TNPO1: variants seen among roughly 807,000 people sequenced by gnomAD.
TNPO1 encodes the protein transportin-1.
A neutral mutation model predicts 119.5 loss-of-function variants in TNPO1; 8 were observed. The ratio of observed to expected loss-of-function variants is 0.07; its 90% CI spans 0.04 to 0.12. The LOEUF is 0.12. Ranked by LOEUF, TNPO1 falls within the 10% of genes least tolerant of loss-of-function variation. TNPO1 has a pLI of 1.00. For synonymous variants in TNPO1, 362 were observed against 363.0 expected (o/e 1.00, Z 0.03); for missense variants, 576 against 1,089.8 (o/e 0.53, Z 6.64).
chr5:72,848,621 T>A, intron 2 of TNPO1, 123 bp downstream of exon 2: 1 of 410,220 alleles, frequency 2.4e-6, no homozygotes, highest in Non-Finnish European at 4.0e-6. Flanking sequence ...GAGACCGGCC[T>A]CCTCCCTGGG....
At position 72,912,367 on chromosome 5, in the gene TNPO1, A is replaced by G. The variant is rs1265324588; in HGVS notation, c.*3694A>G. 1 of 152,512 alleles carries G rather than the reference A, an allele frequency of 6.6e-6. No homozygotes were observed. The highest frequency in any genetic ancestry group is 1.5e-5 in the Non-Finnish European group (1 of 67,940). The allele number at this position is 152,512 out of a possible 1,614,324, so 9.4% of individuals were successfully genotyped here. ...TGCATATATTGTAAAATAGGATCAG[A>G]TGTATATTTTAAACTAATTTCAATG... On this transcript the variant is annotated 3_prime_UTR_variant, in exon 25 of 25. Transcript: ENST00000337273.
chr5:72,825,805 T>G (rs1744185546), intron 1 of TNPO1: 1 of 152,520 alleles, frequency 6.6e-6, no homozygotes, highest in African/African-American at 2.4e-5. Context: ...CTCTTGGACT[T>G]CCCATCCTAC....
chr5:72,874,815 C>T (rs1438730722), intron 7 of TNPO1, among the ~76,000 whole-genome samples: 9 of 152,142 alleles, frequency 5.9e-5, no homozygotes, highest in African/African-American at 1.9e-4. Context: ...GCTTGTTTTA[C>T]TGCTTTTAAT....
Position 72,896,563 on chromosome 5 carries a change from T to A in TNPO1, c.2242+7T>A. On this transcript the variant is annotated splice_region_variant and intron_variant, in intron 19 of 24. Coordinates refer to ENST00000337273, the MANE Select transcript of TNPO1 (RefSeq NM_002270.4). ...GAAATCTCCATTCAAATGGGTAAGA[T>A]GTTTTTCCCTATTTAAAAGCATAAG... is the stretch of plus-strand genomic sequence containing the variant. 6.2e-7 allele frequency: 1 copy of A among 1,607,532 alleles called. No homozygotes were observed. Among genetic ancestry groups the A allele is most frequent in the Non-Finnish European group, 8.5e-7 (1 of 1,176,636 alleles).
chr5:72,870,182 C>T lies in TNPO1; in HGVS notation c.597-2457C>T, dbSNP rs1176807385. On this transcript the variant is annotated intron_variant, in intron 6 of 24. Transcript: ENST00000337273. Reference sequence around the variant, plus strand: ...GCTTTTTTTTTTTTTTTTTTTGAGACGGAGTTTCACTCTTGTCTCCCACAC... The same window carrying T: ...GCTTTTTTTTTTTTTTTTTTTGAGATGGAGTTTCACTCTTGTCTCCCACAC... Among the ~76,000 whole-genome samples the T allele has an allele frequency of 1.7e-4, 12 of 69,482 alleles. No individual in the cohort carries two copies. In the East Asian group the frequency reaches 2.2e-3, roughly 13 times the overall value. 45.6% of individuals were successfully genotyped at this position (69,482 alleles called of 152,430 possible). A position where few individuals can be genotyped will look rare whatever the true frequency, so the allele number is the denominator to read the frequency against.
At chr5:72,821,832 CAT>C (rs1435054969) in intron 1 of TNPO1, among the ~76,000 whole-genome samples, 5 of 152,112 alleles carry the variant, frequency 3.3e-5, no homozygotes, top group African/African-American at 1.2e-4. Flanking sequence ...TGTCAGTAAA[CAT>C]AAAGATCTGC....
At chr5:72,856,187 T>G (rs1024148828) in intron 4 of TNPO1, among the ~76,000 whole-genome samples, 2 of 152,162 alleles carry the variant, frequency 1.3e-5, no homozygotes, top group Non-Finnish European at 2.9e-5. Context: ...ACAAGTGATA[T>G]TAATTTGCGG....
intron 10 of TNPO1, among the ~76,000 whole-genome samples, chr5:72,882,836 T>G (rs895769326): frequency 1.3e-5 from 2 of 152,158 alleles, no homozygotes. Flanking sequence ...GTGGAGGCCA[T>G]GTAGTTGGCT....
rs1750506177 is a variant in TNPO1 at position 72,910,713 on chromosome 5, G to C, written c.*2040G>C. 6.6e-6 allele frequency: 1 copy of C among 152,248 alleles called. No homozygotes were observed. Among genetic ancestry groups the C allele is most frequent in the Non-Finnish European group, 1.5e-5 (1 of 67,958 alleles). The allele number at this position is 152,248 out of a possible 1,614,324, so 9.4% of individuals were successfully genotyped here. A position where few individuals can be genotyped will look rare whatever the true frequency, so the allele number is the denominator to read the frequency against. On this transcript the variant is annotated 3_prime_UTR_variant, in exon 25 of 25. Transcript: ENST00000337273. ...TGATACAGCCATTGCACTGAAGTTTGAGCTGTGTGCGTGTGAATTTATACT... is the reference window on the plus strand; with the variant it reads ...TGATACAGCCATTGCACTGAAGTTTCAGCTGTGTGCGTGTGAATTTATACT...
intron 11 of TNPO1, 108 bp downstream of exon 11, chr5:72,883,340 G>T: frequency 1.5e-6 from 1 of 645,428 alleles, no homozygotes; most frequent in Non-Finnish European, 2.8e-6. Flanking sequence ...CATTTCATTG[G>T]TTTTTAGTAT....
chr5:72,840,073 G>A (rs1267156791), intron 1 of TNPO1, among the ~76,000 whole-genome samples: 3 of 152,288 alleles, frequency 2.0e-5, no homozygotes, highest in African/African-American at 4.8e-5. Flanking sequence ...CAAGAGAGCC[G>A]TTGAATTATT....
At chr5:72,864,084 G>T (rs945630393) in intron 5 of TNPO1, among the ~76,000 whole-genome samples, 1 of 151,850 alleles carries the variant, frequency 6.6e-6, no homozygotes, top group African/African-American at 2.4e-5. Flanking sequence ...TGCCACATGG[G>T]TAACAAGTTC....
intron 9 of TNPO1, 43 bp downstream of exon 9, chr5:72,877,389 C>T: frequency 1.1e-6 from 1 of 892,410 alleles, no homozygotes; most frequent in Admixed American, 2.4e-5. Flanking sequence ...TCTTTAATTT[C>T]TTAAGTGATT....
chr5:72,832,650 T>C (rs1468699013), intron 1 of TNPO1, among the ~76,000 whole-genome samples: 1 of 152,178 alleles, frequency 6.6e-6, no homozygotes. Flanking sequence ...TCCCTACATC[T>C]TCTCCTGTTG....
intron 6 of TNPO1, among the ~76,000 whole-genome samples, chr5:72,867,441 C>T (rs1322175690): frequency 1.3e-5 from 2 of 152,152 alleles, no homozygotes; most frequent in African/African-American, 4.8e-5. Context: ...GTATAGGAAA[C>T]TATATTGCCT....
chr5:72,864,650 C>T (rs1214309686), intron 5 of TNPO1, among the ~76,000 whole-genome samples: 3 of 151,944 alleles, frequency 2.0e-5, no homozygotes, highest in East Asian at 3.9e-4. Flanking sequence ...GCTTTGTCAC[C>T]CAGGCTGGAG....
At chr5:72,854,413 T>G (rs574628963) in intron 3 of TNPO1, among the ~76,000 whole-genome samples, 2 of 152,338 alleles carry the variant, frequency 1.3e-5, no homozygotes, top group South Asian at 2.1e-4. Context: ...ATTCAGAGTT[T>G]GGGAACATCA....
chr5:72,823,758 G>T (rs1423810240), intron 1 of TNPO1, among the ~76,000 whole-genome samples: 1 of 151,190 alleles, frequency 6.6e-6, no homozygotes, highest in Non-Finnish European at 1.5e-5. Flanking sequence ...GGTTTTTTTT[G>T]CACTTGCCCC....
intron 8 of TNPO1, among the ~76,000 whole-genome samples, chr5:72,875,991 G>A (rs963310988): frequency 2.0e-5 from 3 of 152,164 alleles, no homozygotes; most frequent in Non-Finnish European, 4.4e-5. Flanking sequence ...GGAGAGAAGA[G>A]AGGATCTTTT....
Sources: gnomAD v4.1 joint callset for allele counts (sites outside exome capture counted in the v4.1 genomes callset) on GRCh38, gnomAD v4.1.1 for gene constraint, MANE v1.5 for transcripts, NCBI Gene and HGNC (gene_info 2026-07-23, HGNC 2026-07-21) for gene names.